The following SUMF1 variants were observed in gnomAD, a reference collection of about 807,000 sequenced individuals.
The protein encoded by SUMF1 is formylglycine-generating enzyme.
SUMF1 carries 48 observed loss-of-function variants against 47.6 expected under a neutral mutation model. That is an observed-to-expected ratio of 1.01 (90% CI 0.80 to 1.28). SUMF1 has a LOEUF of 1.28. Ranked by LOEUF, SUMF1 falls within the 50% of genes most tolerant of loss-of-function variation. The pLI, the probability that SUMF1 is intolerant of heterozygous loss-of-function variation, is 0.00. For missense variants in SUMF1, 571 were observed against 485.4 expected (o/e 1.18, Z -1.66); for synonymous variants, 230 against 192.1 (o/e 1.20, Z -1.63).
At chr3:4,185,715 G>A (rs1559547521) in intron 8 of SUMF1, among the ~76,000 whole-genome samples, 1 of 152,188 alleles carries the variant, frequency 6.6e-6, no homozygotes, top group Non-Finnish European at 1.5e-5. Context: ...AATAAATGCT[G>A]AGATAGTGAG....
chr3:4,221,488 A>G (rs1306957974), intron 8 of SUMF1, among the ~76,000 whole-genome samples: 2 of 151,920 alleles, frequency 1.3e-5, no homozygotes, highest in Non-Finnish European at 2.9e-5. Context: ...CTAAACATAT[A>G]TAAGCAAAGA....
At chr3:4,186,620 A>C (rs905249855) in intron 8 of SUMF1, among the ~76,000 whole-genome samples, 2 of 152,176 alleles carry the variant, frequency 1.3e-5, no homozygotes, top group Admixed American at 1.3e-4. Flanking sequence ...CTGAAAAATA[A>C]AATTGTCCCT....
intron 8 of SUMF1, among the ~76,000 whole-genome samples, chr3:4,141,409 G>A (rs972104164): frequency 6.6e-6 from 1 of 152,134 alleles, no homozygotes; most frequent in Non-Finnish European, 1.5e-5. Context: ...GGTTATAACT[G>A]TGCCAGTGCC....
At chr3:4,067,071 T>C (rs1695396058) in intron 9 of SUMF1, among the ~76,000 whole-genome samples, 1 of 152,104 alleles carries the variant, frequency 6.6e-6, no homozygotes, top group Non-Finnish European at 1.5e-5. Context: ...CAGTGACCCC[T>C]TTTCTATACA....
intron 8 of SUMF1, among the ~76,000 whole-genome samples, chr3:4,076,126 C>T (rs1692427432): frequency 1.3e-5 from 2 of 152,086 alleles, no homozygotes; most frequent in South Asian, 4.2e-4. Flanking sequence ...CAGCATGGTA[C>T]TGGTACCAAA....
chr3:4,308,287 CTACTATGCACTACCT>C (rs1377476830), intron 8 of SUMF1, among the ~76,000 whole-genome samples: 1 of 152,186 alleles, frequency 6.6e-6, no homozygotes, highest in Non-Finnish European at 1.5e-5. Flanking sequence ...CTTCACTACC[CTACTATGCACTACCT>C]GCAAAATTTT....
intron 8 of SUMF1, among the ~76,000 whole-genome samples, chr3:4,197,175 A>G (rs2629248): frequency 0.33 from 49,673 of 152,028 alleles, 8,228 homozygotes; most frequent in East Asian, 0.4. Flanking sequence ...GTACAGTGGC[A>G]CGATCACAGC....
At position 4,186,636 on chromosome 3, in the gene SUMF1, C is replaced by A. The variant is rs139180119; in HGVS notation, c.1015-117891G>T. ...TGAAAAATAAAATTGTCCCTATGAC[C>A]AATTTTACTGGGTGTTCATAAGCAG... On this transcript the variant is annotated intron_variant and NMD_transcript_variant, in intron 8 of 12. Transcript: ENST00000448413. 3.0e-3 allele frequency among the ~76,000 whole-genome samples: 454 copies of A among 152,178 alleles called. 3 individuals are homozygous for A. The highest frequency in any genetic ancestry group is 0.01 in the African/African-American group (423 of 41,532).
intron 8 of SUMF1, among the ~76,000 whole-genome samples, chr3:4,103,458 T>C (rs371911700): frequency 1.3e-5 from 2 of 151,706 alleles, no homozygotes; most frequent in African/African-American, 4.8e-5. Flanking sequence ...TGGAGGGGAT[T>C]TTTTTTTGCT....
intron 8 of SUMF1, among the ~76,000 whole-genome samples, chr3:4,249,176 T>A (rs565834358): frequency 2.0e-5 from 3 of 152,328 alleles, no homozygotes; most frequent in African/African-American, 7.2e-5. Flanking sequence ...GTGGGTATAA[T>A]TTGGCATTCA....
chr3:4,124,360 A>C (rs1313752601), intron 8 of SUMF1, among the ~76,000 whole-genome samples: 1 of 152,188 alleles, frequency 6.6e-6, no homozygotes, highest in Admixed American at 6.5e-5. Context: ...GTTTGGTACA[A>C]GTAATGTTTA....
intron 8 of SUMF1, among the ~76,000 whole-genome samples, chr3:4,271,340 A>T (rs924428514): frequency 6.6e-6 from 1 of 152,178 alleles, no homozygotes; most frequent in African/African-American, 2.4e-5. Context: ...TATGCACCAT[A>T]TATTTTTACC....
intron 8 of SUMF1, among the ~76,000 whole-genome samples, chr3:4,207,523 T>C (rs904637895): frequency 5.9e-5 from 9 of 152,118 alleles, no homozygotes; most frequent in African/African-American, 2.2e-4. Flanking sequence ...TGAATGTATG[T>C]TGGATATTTT....
In SUMF1 at chr3:4,439,016, A is replaced by G. The variant is rs535002137; in HGVS notation, c.519+10250T>C. ...TGATAGCAAAATAGCTGCACGCTAA[A>G]AAGTAAAAATCTTATAAACTATGTG... On this transcript the variant is annotated intron_variant, in intron 3 of 8. Coordinates refer to ENST00000272902, the MANE Select transcript of SUMF1 (RefSeq NM_182760.4). 7.4e-4 allele frequency among the ~76,000 whole-genome samples: 113 copies of G among 152,318 alleles called. 1 individual carries two copies. The highest frequency in any genetic ancestry group is 5.0e-3 in the Admixed American group (77 of 15,296).
chr3:4,045,913 C>T (rs1467473596), intron 9 of SUMF1, among the ~76,000 whole-genome samples: 1 of 152,142 alleles, frequency 6.6e-6, no homozygotes, highest in East Asian at 1.9e-4. Context: ...GAGCTGGGCA[C>T]ACTGGCTTAT....
chr3:4,463,436 G>A (rs570044716), intron 1 of SUMF1, among the ~76,000 whole-genome samples: 6 of 152,328 alleles, frequency 3.9e-5, no homozygotes, highest in Admixed American at 3.3e-4. Flanking sequence ...GTTGCAATGA[G>A]CCGAGATTGC....
chr3:4,167,873 G>C lies in SUMF1; in HGVS notation c.1015-99128C>G, dbSNP rs145293103. 8.4e-3 allele frequency among the ~76,000 whole-genome samples: 1,277 copies of C among 152,296 alleles called. 13 individuals carry two copies. Among genetic ancestry groups the C allele is most frequent in the Middle Eastern group, 0.017 (5 of 294 alleles). On this transcript the variant is annotated intron_variant and NMD_transcript_variant, in intron 8 of 12. Coordinates refer to the SUMF1 transcript ENST00000448413. ...TAGAGCAGGCATCTCTTTGTCACTTGCTAACTACTTTTTAGATATAGGAGG... is the reference window on the plus strand; with the variant it reads ...TAGAGCAGGCATCTCTTTGTCACTTCCTAACTACTTTTTAGATATAGGAGG...
At chr3:4,211,415 C>T (rs1200405417) in intron 8 of SUMF1, among the ~76,000 whole-genome samples, 1 of 151,368 alleles carries the variant, frequency 6.6e-6, no homozygotes, top group Non-Finnish European at 1.5e-5. Context: ...TAAGTGAGAA[C>T]ATGCAGTATT....
intron 8 of SUMF1, among the ~76,000 whole-genome samples, chr3:4,301,463 T>C (rs780302721): frequency 4.6e-5 from 7 of 152,188 alleles, no homozygotes; most frequent in African/African-American, 7.2e-5. Flanking sequence ...TCAAAGGTCA[T>C]TGTAGCAGCG....
Sources: allele counts gnomAD v4.1 joint callset (sites outside exome capture counted in the v4.1 genomes callset), GRCh38; gene constraint gnomAD v4.1.1; transcripts MANE v1.5; gene names NCBI Gene and HGNC (gene_info 2026-07-23, HGNC 2026-07-21).